Variants in CFAP144 observed in about 807,000 individuals in gnomAD.
CFAP144 encodes cilia and flagella associated protein 144.
the CFAP144 span, chr1:43,145,153 C>T: frequency 1.1e-6 from 1 of 937,292 alleles, no homozygotes; most frequent in Non-Finnish European, 1.7e-6. Flanking sequence ...CATGCCTGGT[C>T]AGCCAGCCTG....
the CFAP144 span, among the ~76,000 whole-genome samples, chr1:43,143,497 G>C: frequency 7.9e-5 from 12 of 151,782 alleles, no homozygotes; most frequent in African/African-American, 2.9e-4. Flanking sequence ...TGAGCAAAGG[G>C]ACTTATGATT....
At chr1:43,143,156 A>G in the CFAP144 span, among the ~76,000 whole-genome samples, 3 of 152,160 alleles carry the variant, frequency 2.0e-5, no homozygotes, top group Non-Finnish European at 2.9e-5. Flanking sequence ...TAGTAAGAAG[A>G]GAGGAATAAT....
At chr1:43,152,979 T>C in the CFAP144 span, 3 of 1,571,796 alleles carry the variant, frequency 1.9e-6, no homozygotes, top group South Asian at 1.2e-5. Context: ...ACAGCAGCAA[T>C]GTAAGTGGTG....
the CFAP144 span, among the ~76,000 whole-genome samples, chr1:43,154,150 T>TG: frequency 1.4e-5 from 2 of 142,144 alleles, no homozygotes; most frequent in Non-Finnish European, 3.1e-5. Context: ...ATATATATAT[T>TG]CTCTCTTTTT....
At chr1:43,151,382 A>G in the CFAP144 span, among the ~76,000 whole-genome samples, 1 of 152,242 alleles carries the variant, frequency 6.6e-6, no homozygotes, top group Non-Finnish European at 1.5e-5. Context: ...ATCTCATAGC[A>G]TAATGAAGAA....
the CFAP144 span, among the ~76,000 whole-genome samples, chr1:43,150,147 A>C: frequency 2.0e-5 from 3 of 152,174 alleles, no homozygotes; most frequent in Admixed American, 6.5e-5. Flanking sequence ...TATCACACTT[A>C]CATTTGCCGG....
At chr1:43,152,939 T>A in the CFAP144 span, 3 of 1,608,880 alleles carry the variant, frequency 1.9e-6, no homozygotes, top group East Asian at 2.2e-5. Flanking sequence ...TTGGTAAGCG[T>A]GGCTCCTTCC....
the CFAP144 span, chr1:43,156,094 C>A: frequency 2.4e-6 from 2 of 836,036 alleles, no homozygotes; most frequent in South Asian, 1.4e-5. Context: ...TTCCGCAATG[C>A]AGCCACAGGC....
the CFAP144 span, among the ~76,000 whole-genome samples, chr1:43,154,711 T>A: frequency 1.3e-5 from 2 of 152,108 alleles, no homozygotes; most frequent in African/African-American, 4.8e-5. Flanking sequence ...GAAAGAAGAC[T>A]TTTCCAAGTG....
the CFAP144 span, among the ~76,000 whole-genome samples, chr1:43,155,673 T>C: frequency 4.0e-5 from 6 of 151,584 alleles, no homozygotes. Context: ...CTTGATCAGC[T>C]GCAACTTGAA....
chr1:43,152,283 A>G, the CFAP144 span, among the ~76,000 whole-genome samples: 4 of 151,836 alleles, frequency 2.6e-5, no homozygotes, highest in Non-Finnish European at 5.9e-5. Context: ...ACTTCTTACA[A>G]CCTTGCTCCT....
chr1:43,153,055 A>G, the CFAP144 span: 188,340 of 1,228,486 alleles, frequency 0.15, 24,430 homozygotes, highest in African/African-American at 0.61. Flanking sequence ...TACCAGCTGG[A>G]TAAGTTACTA....
chr1:43,143,530 G>A, the CFAP144 span, among the ~76,000 whole-genome samples: 1 of 152,190 alleles, frequency 6.6e-6, no homozygotes, highest in African/African-American at 2.4e-5. Context: ...AAAGAAACCA[G>A]GAATGGTCAG....
chr1:43,154,210 AAATT>A, the CFAP144 span, among the ~76,000 whole-genome samples: 6,923 of 142,546 alleles, frequency 0.049, 541 homozygotes, highest in African/African-American at 0.16. Context: ...AATTATATAT[AAATT>A]ATTATATAAA....
the CFAP144 span, chr1:43,152,786 C>A: frequency 6.4e-7 from 1 of 1,550,928 alleles, no homozygotes; most frequent in South Asian, 1.2e-5. Context: ...AACCTCTGGT[C>A]CCAAAGCCTG....
chr1:43,154,363 T>C, the CFAP144 span, among the ~76,000 whole-genome samples: 2 of 142,668 alleles, frequency 1.4e-5, no homozygotes, highest in Admixed American at 1.4e-4. Context: ...ACATACAAAA[T>C]ATGTACATAT....
chr1:43,154,022 T>C, the CFAP144 span, among the ~76,000 whole-genome samples: 4 of 145,610 alleles, frequency 2.7e-5, no homozygotes, highest in Non-Finnish European at 6.0e-5. Flanking sequence ...TTCTCTAACT[T>C]TTTTTTCTTA....
chr1:43,144,633 C>A, the CFAP144 span, among the ~76,000 whole-genome samples: 1 of 152,048 alleles, frequency 6.6e-6, no homozygotes, highest in South Asian at 2.1e-4. Flanking sequence ...TATCTGTTAC[C>A]CCTCTCCGAA....
At chr1:43,147,671 A>C in the CFAP144 span, among the ~76,000 whole-genome samples, 1,235 of 152,330 alleles carry the variant, frequency 8.1e-3, 17 homozygotes, top group Non-Finnish European at 1.0e-2. Flanking sequence ...GGCGGTATCC[A>C]GGGGACCTTC....
Sources: gnomAD v4.1 joint callset for allele counts (sites outside exome capture counted in the v4.1 genomes callset) on GRCh38, gnomAD v4.1.1 for gene constraint, MANE v1.5 for transcripts, NCBI Gene and HGNC (gene_info 2026-07-23, HGNC 2026-07-21) for gene names.